The following C8orf89 variants were observed in gnomAD, a reference collection of about 807,000 sequenced individuals.
The protein encoded by C8orf89 is chromosome 8 open reading frame 89, also known as putative uncharacterized protein C8orf89.
A neutral mutation model predicts 15.8 loss-of-function variants in C8orf89; 14 were observed. That is an observed-to-expected ratio of 0.89 (90% confidence interval 0.59 to 1.39). The LOEUF is 1.39. C8orf89 is among the 40% of genes most tolerant of loss of function. The pLI is 0.00. For missense variants in C8orf89, 181 were observed against 184.5 expected (o/e 0.98, Z 0.11); for synonymous variants, 55 against 62.2 (o/e 0.88, Z 0.54).
At chr8:73,265,690 G>A in the C8orf89 span, among the ~76,000 whole-genome samples, 1 of 152,142 alleles carries the variant, frequency 6.6e-6, no homozygotes, top group Non-Finnish European at 1.5e-5. Context: ...ATATCTTCAG[G>A]CATCTCTTCT....
intron 1 of C8orf89, 113 bp from the exon 2 acceptor site, chr8:73,257,239 G>A (rs1225063052): frequency 3.0e-6 from 2 of 657,020 alleles, no homozygotes; most frequent in Admixed American, 3.5e-5. Flanking sequence ...AGAAAATTAA[G>A]CAACTGTAAT....
the C8orf89 span, among the ~76,000 whole-genome samples, chr8:73,283,932 AC>A: frequency 6.6e-6 from 1 of 151,940 alleles, no homozygotes; most frequent in Non-Finnish European, 1.5e-5. Flanking sequence ...AATCCCAGCT[AC>A]TTGGGAGGCT....
At chr8:73,260,809 C>T (rs967139641), upstream of C8orf89, among the ~76,000 whole-genome samples, 1 of 152,140 alleles carries the variant, frequency 6.6e-6, no homozygotes, top group South Asian at 2.1e-4. Context: ...CTGAGTGTGT[C>T]TGTGAGGGTG....
At chr8:73,279,160 C>T in the C8orf89 span, among the ~76,000 whole-genome samples, 3 of 152,236 alleles carry the variant, frequency 2.0e-5, no homozygotes, top group African/African-American at 4.8e-5. Flanking sequence ...ACAAATCTCC[C>T]GTTTGCAGCA....
chr8:73,281,221 C>A, the C8orf89 span, among the ~76,000 whole-genome samples: 2 of 152,078 alleles, frequency 1.3e-5, no homozygotes, highest in African/African-American at 2.4e-5. Flanking sequence ...GAGTTTGAGA[C>A]CAGCCTAGGC....
upstream of C8orf89, among the ~76,000 whole-genome samples, chr8:73,262,955 C>A (rs555644021): frequency 1.3e-5 from 2 of 151,986 alleles, no homozygotes; most frequent in South Asian, 4.2e-4. Flanking sequence ...CTACCTAATT[C>A]TAGTGGAAAA....
chr8:73,276,780 A>G, the C8orf89 span, among the ~76,000 whole-genome samples: 51 of 144,588 alleles, frequency 3.5e-4, 1 homozygote, highest in East Asian at 6.2e-3. Context: ...AATACCATAT[A>G]CATTTGTAAT....
At chr8:73,252,908 G>A (rs1188939739) in intron 2 of C8orf89, among the ~76,000 whole-genome samples, 2 of 152,118 alleles carry the variant, frequency 1.3e-5, no homozygotes, top group Non-Finnish European at 2.9e-5. Context: ...TTGGGAGGCC[G>A]AGGTGGGTGG....
rs1813008086 is a variant in C8orf89, at chr8:73,241,591, C to T, written c.352G>A (p.Asp118Asn). 5.3e-6 allele frequency: 8 copies of T among 1,516,254 alleles called. No homozygotes were observed. Among genetic ancestry groups the T allele is most frequent in the Non-Finnish European group, 7.0e-6 (8 of 1,136,208 alleles). 93.9% of individuals were successfully genotyped at this position (1,516,254 alleles called of 1,614,324 possible). ...WEKSKGSGFS[D>N]PLTGAPSQYL... ...TGAGATGGTGCTCCAGTGAGAGGAT[C>T]ACTGAAGCCAGAACCTGGAGGAGGA... The change falls in exon 4 of 4, where the codon GAT becomes AAT. Residue 118 changes from aspartate to asparagine, a missense_variant. Asp to Asn is a conservative substitution (Grantham distance 23, BLOSUM62 1). Transcript: ENST00000624510.
chr8:73,250,990 CG>C (rs1338520414), intron 2 of C8orf89, among the ~76,000 whole-genome samples: 1 of 151,858 alleles, frequency 6.6e-6, no homozygotes, highest in Non-Finnish European at 1.5e-5. Context: ...TTTGTAAAGA[CG>C]GGGTCTCACT....
the C8orf89 span, among the ~76,000 whole-genome samples, chr8:73,273,932 G>T: frequency 1.3e-5 from 2 of 151,742 alleles, no homozygotes; most frequent in African/African-American, 4.8e-5. Flanking sequence ...CTACTAAATA[G>T]AACTAAGAAA....
the C8orf89 span, among the ~76,000 whole-genome samples, chr8:73,278,234 C>T: frequency 2.6e-5 from 4 of 152,198 alleles, no homozygotes; most frequent in Admixed American, 2.6e-4. Flanking sequence ...GTTATTTGTA[C>T]ACAAAATGGA....
the C8orf89 span, among the ~76,000 whole-genome samples, chr8:73,285,260 C>T: frequency 6.6e-6 from 1 of 152,132 alleles, no homozygotes; most frequent in Non-Finnish European, 1.5e-5. Context: ...GGTGTGTCCA[C>T]TTAACGGATA....
chr8:73,257,155 G>C (rs1813414346), intron 1 of C8orf89, 29 bp from the exon 2 acceptor site: 2 of 1,418,420 alleles, frequency 1.4e-6, no homozygotes, highest in African/African-American at 1.4e-5. Context: ...GAATCATCTT[G>C]ATTAAATGCA....
chr8:73,254,816 T>C (rs1226818767), intron 2 of C8orf89, among the ~76,000 whole-genome samples: 1 of 152,086 alleles, frequency 6.6e-6, no homozygotes, highest in Non-Finnish European at 1.5e-5. Context: ...TAACGCCACA[T>C]ATCTACAACT....
chr8:73,248,014 T>C (rs1813163826), intron 3 of C8orf89, among the ~76,000 whole-genome samples: 1 of 152,188 alleles, frequency 6.6e-6, no homozygotes. Flanking sequence ...AATCTTTGCC[T>C]GTTCCTATGT....
chr8:73,252,965 C>G (rs911274921), intron 2 of C8orf89, among the ~76,000 whole-genome samples: 1 of 152,092 alleles, frequency 6.6e-6, no homozygotes, highest in African/African-American at 2.4e-5. Context: ...CAGGGTGAAA[C>G]CCCGTCTCTA....
At chr8:73,285,830 G>A in the C8orf89 span, among the ~76,000 whole-genome samples, 1 of 152,216 alleles carries the variant, frequency 6.6e-6, no homozygotes, top group African/African-American at 2.4e-5. Context: ...GCAGGTGGCC[G>A]CGAGCTCCCA....
chr8:73,249,807 T>G (rs1054022889), intron 3 of C8orf89, among the ~76,000 whole-genome samples: 1 of 152,030 alleles, frequency 6.6e-6, no homozygotes, highest in Non-Finnish European at 1.5e-5. Context: ...GTACACAGGA[T>G]TCACAAAAAT....
Sources: gnomAD v4.1 joint callset for allele counts (sites outside exome capture counted in the v4.1 genomes callset) on GRCh38, gnomAD v4.1.1 for gene constraint, MANE v1.5 for transcripts, NCBI Gene and HGNC (gene_info 2026-07-23, HGNC 2026-07-21) for gene names.